The following SHTN1 variants were observed in gnomAD, a reference collection of about 807,000 sequenced individuals.
SHTN1 encodes shootin-1.
A neutral mutation model predicts 83.1 loss-of-function variants in SHTN1; 42 were observed. The observed-to-expected ratio is 0.51, with a 90% CI of 0.39 to 0.65. The LOEUF (loss-of-function observed/expected upper bound fraction) is 0.65. Ranked by LOEUF, SHTN1 falls within the 30% of genes least tolerant of loss-of-function variation. SHTN1 has a pLI of 0.00. For synonymous variants in SHTN1, 224 were observed against 247.7 expected (o/e 0.90, Z 0.90); for missense variants, 622 against 737.8 (o/e 0.84, Z 1.82).
chr10:116,999,635 C>G (rs1250332796), intron 1 of SHTN1, among the ~76,000 whole-genome samples: 2 of 152,226 alleles, frequency 1.3e-5, no homozygotes, highest in Non-Finnish European at 2.9e-5. Context: ...AGGTTCACAG[C>G]TGGGTGCGGT....
At chr10:116,961,176 A>C (rs2133442502) in intron 3 of SHTN1, among the ~76,000 whole-genome samples, 1 of 152,300 alleles carries the variant, frequency 6.6e-6, no homozygotes, top group Non-Finnish European at 1.5e-5. Flanking sequence ...TTAGGCAAAA[A>C]GCACTGGGCT....
intron 1 of SHTN1, among the ~76,000 whole-genome samples, chr10:116,992,083 A>T (rs933290853): frequency 3.3e-5 from 5 of 152,190 alleles, no homozygotes; most frequent in Non-Finnish European, 7.3e-5. Context: ...TTGAGGCTGC[A>T]GTGCGTCATG....
intron 1 of SHTN1, among the ~76,000 whole-genome samples, chr10:117,090,566 T>G (rs950891999): frequency 6.6e-6 from 1 of 152,194 alleles, no homozygotes; most frequent in Non-Finnish European, 1.5e-5. Context: ...ATATGTATTT[T>G]CCACAATTTG....
chr10:117,075,747 A>G (rs1477868153), intron 1 of SHTN1, among the ~76,000 whole-genome samples: 1 of 152,186 alleles, frequency 6.6e-6, no homozygotes, highest in Non-Finnish European at 1.5e-5. Flanking sequence ...AAGAATTGAG[A>G]ACACCCATGG....
At chr10:117,002,430 C>T (rs1851853788) in intron 1 of SHTN1, among the ~76,000 whole-genome samples, 1 of 152,112 alleles carries the variant, frequency 6.6e-6, no homozygotes, top group Non-Finnish European at 1.5e-5. Flanking sequence ...GGGAAAATAA[C>T]ATATTTGATA....
At chr10:116,908,807 G>C (rs1302249755) in intron 14 of SHTN1, among the ~76,000 whole-genome samples, 2 of 152,098 alleles carry the variant, frequency 1.3e-5, no homozygotes, top group African/African-American at 4.8e-5. Flanking sequence ...ACTGTAGTAA[G>C]CTACTCTCTC....
intron 1 of SHTN1, among the ~76,000 whole-genome samples, chr10:117,103,790 C>T (rs994959513): frequency 6.6e-6 from 1 of 152,120 alleles, no homozygotes; most frequent in African/African-American, 2.4e-5. Flanking sequence ...CCCTCCTTGG[C>T]CTCCCAAAGT....
At chr10:117,096,693 C>G (rs1363960969) in intron 1 of SHTN1, among the ~76,000 whole-genome samples, 1 of 152,182 alleles carries the variant, frequency 6.6e-6, no homozygotes, top group East Asian at 1.9e-4. Flanking sequence ...ACAGAAGGCC[C>G]CTATTTAAAA....
At chr10:116,957,256 C>CTT (rs374905540) in intron 4 of SHTN1, among the ~76,000 whole-genome samples, 28 of 135,164 alleles carry the variant, frequency 2.1e-4, no homozygotes, top group African/African-American at 3.0e-4. Context: ...TATCTTTTTA[C>CTT]TTTTTTTTTT....
At chr10:116,912,428 G>C (rs934055863) in intron 13 of SHTN1, among the ~76,000 whole-genome samples, 1 of 152,220 alleles carries the variant, frequency 6.6e-6, no homozygotes, top group South Asian at 2.1e-4. Context: ...CTGGCTGCCA[G>C]AGCAGCCAAA....
Position 116,922,291 on chromosome 10 carries a change from CA to C in SHTN1, c.1113-776del, listed in dbSNP as rs555349075. On this transcript the variant is annotated intron_variant, in intron 11 of 16. Coordinates refer to ENST00000355371, the MANE Select transcript of SHTN1 (RefSeq NM_001127211.3). Reference sequence around the variant, plus strand: ...TATCACTATACATTCATCAAATAGACAAAAAAAATCTGATAATATCAAGTGT... The same window carrying C: ...TATCACTATACATTCATCAAATAGACAAAAAAATCTGATAATATCAAGTGT... Among the ~76,000 whole-genome samples, 111 of 151,626 alleles carry C rather than the reference CA, an allele frequency of 7.3e-4. 2 individuals are homozygous for C. In the South Asian group the frequency reaches 0.022, roughly 30 times the overall value.
intron 15 of SHTN1, among the ~76,000 whole-genome samples, chr10:116,903,250 C>T (rs1041801406): frequency 2.0e-5 from 3 of 152,128 alleles, no homozygotes; most frequent in Admixed American, 6.6e-5. Flanking sequence ...AGGCCTTTTC[C>T]GGCTGTACGT....
chr10:116,888,437 G>A lies in SHTN1; in HGVS notation c.1674-1871C>T, dbSNP rs551479085. 1.8e-4 allele frequency among the ~76,000 whole-genome samples: 28 copies of A among 152,336 alleles called. 1 individual carries two copies. The South Asian group carries it at 5.8e-3, about 32-fold the overall frequency. ...GAGAGGCACTAGTCATGCCGTCTGTGTAAATCTGCTGCTTCTGCGTCTGAC... is the reference window on the plus strand; with the variant it reads ...GAGAGGCACTAGTCATGCCGTCTGTATAAATCTGCTGCTTCTGCGTCTGAC... On this transcript the variant is annotated intron_variant, in intron 16 of 16. Coordinates refer to ENST00000355371, the MANE Select transcript of SHTN1 (RefSeq NM_001127211.3).
intron 1 of SHTN1, among the ~76,000 whole-genome samples, chr10:117,063,212 C>T (rs1190062241): frequency 1.3e-5 from 2 of 152,200 alleles, no homozygotes; most frequent in Non-Finnish European, 2.9e-5. Flanking sequence ...CTGTAAACTA[C>T]ATTTCCTGTT....
At chr10:116,990,645 T>C (rs918934460) in intron 1 of SHTN1, among the ~76,000 whole-genome samples, 4 of 152,198 alleles carry the variant, frequency 2.6e-5, no homozygotes, top group African/African-American at 9.7e-5. Context: ...CTTTGGAATG[T>C]AATTCTTGCA....
chr10:117,053,615 G>C (rs1293232905), intron 1 of SHTN1, among the ~76,000 whole-genome samples: 1 of 152,134 alleles, frequency 6.6e-6, no homozygotes, highest in African/African-American at 2.4e-5. Context: ...GGAAGTGTTG[G>C]CAAGGATGTG....
intron 14 of SHTN1, among the ~76,000 whole-genome samples, chr10:116,907,457 G>A (rs1287611477): frequency 6.6e-6 from 1 of 152,154 alleles, no homozygotes; most frequent in Non-Finnish European, 1.5e-5. Flanking sequence ...CTGTACTCCT[G>A]CTGAAACTGA....
chr10:117,050,778 G>C (rs996674729), intron 1 of SHTN1, among the ~76,000 whole-genome samples: 2 of 152,104 alleles, frequency 1.3e-5, no homozygotes, highest in African/African-American at 2.4e-5. Context: ...CACAGCCCAG[G>C]CTTGGTGGCT....
At chr10:117,024,588 G>A (rs1852305437) in intron 2 of SHTN1, among the ~76,000 whole-genome samples, 1 of 151,902 alleles carries the variant, frequency 6.6e-6, no homozygotes, top group Non-Finnish European at 1.5e-5. Context: ...TCGATCTCCT[G>A]ACCTCGTGAT....
Sources: allele counts gnomAD v4.1 joint callset (sites outside exome capture counted in the v4.1 genomes callset), GRCh38; gene constraint gnomAD v4.1.1; transcripts MANE v1.5; gene names NCBI Gene and HGNC (gene_info 2026-07-23, HGNC 2026-07-21).